Variants in GRIP1 observed in about 807,000 individuals in gnomAD.
GRIP1 encodes glutamate receptor-interacting protein 1.
In GRIP1, 45 loss-of-function variants were observed where a neutral mutation model predicts 129.9. That is an observed-to-expected ratio of 0.35 (90% CI 0.27 to 0.44). The LOEUF (loss-of-function observed/expected upper bound fraction) is 0.44. GRIP1 is among the 20% of genes least tolerant of loss of function. The pLI is 1.00. For missense variants in GRIP1, 1,196 were observed against 1,396.8 expected (o/e 0.86, Z 2.29); for synonymous variants, 530 against 520.8 (o/e 1.02, Z -0.24).
intron 1 of GRIP1, among the ~76,000 whole-genome samples, chr12:66,707,952 A>C (rs1377151357): frequency 6.6e-6 from 1 of 152,078 alleles, no homozygotes; most frequent in Admixed American, 6.6e-5. Flanking sequence ...CATAGTACTG[A>C]ATGTTAGTCA....
At chr12:66,391,149 G>A (rs2056570469) in intron 19 of GRIP1, among the ~76,000 whole-genome samples, 2 of 152,134 alleles carry the variant, frequency 1.3e-5, no homozygotes, top group South Asian at 4.1e-4. Context: ...ACTGGATACA[G>A]ACACTCCTAA....
intron 1 of GRIP1, among the ~76,000 whole-genome samples, chr12:66,827,387 T>TGTGTGTGAGAGAGAGAGAGAGAGAGA (rs755458052): frequency 7.4e-4 from 80 of 108,256 alleles, no homozygotes; most frequent in African/African-American, 2.7e-3. Flanking sequence ...TGTGTGTGTG[T>TGTGTGTGAGAGAGAGAGAGAGAGAGA]GAGAGAGAGA....
At chr12:66,390,917 C>A (rs1284962514) in intron 19 of GRIP1, among the ~76,000 whole-genome samples, 1 of 152,138 alleles carries the variant, frequency 6.6e-6, no homozygotes, top group Non-Finnish European at 1.5e-5. Context: ...AGATAAAGCC[C>A]CAATTCTACT....
chr12:66,730,647 C>T (rs1592786012), intron 1 of GRIP1, among the ~76,000 whole-genome samples: 2 of 145,358 alleles, frequency 1.4e-5, no homozygotes, highest in East Asian at 2.0e-4. Flanking sequence ...TAAGTACAAG[C>T]CCAAAGCCTA....
chr12:66,751,103 T>C (rs1217122166), intron 1 of GRIP1, among the ~76,000 whole-genome samples: 2 of 152,148 alleles, frequency 1.3e-5, no homozygotes, highest in African/African-American at 4.8e-5. Flanking sequence ...AAGTGAGAAA[T>C]TGAGAAAGAA....
chr12:66,608,095 T>C (rs977613242), intron 1 of GRIP1, among the ~76,000 whole-genome samples: 3 of 152,172 alleles, frequency 2.0e-5, no homozygotes, highest in African/African-American at 7.2e-5. Flanking sequence ...ACTTGAATTG[T>C]CACATATTTT....
upstream of GRIP1, among the ~76,000 whole-genome samples, chr12:66,681,162 C>T (rs1044977163): frequency 6.6e-6 from 1 of 152,156 alleles, no homozygotes; most frequent in African/African-American, 2.4e-5. Flanking sequence ...TCCTATTAGT[C>T]TGCCCAGGTG....
At chr12:66,619,226 G>A (rs1036075921) in intron 1 of GRIP1, among the ~76,000 whole-genome samples, 2 of 152,096 alleles carry the variant, frequency 1.3e-5, no homozygotes, top group Non-Finnish European at 2.9e-5. Flanking sequence ...GCAGCAAGCA[G>A]CACTAAAATA....
chr12:66,367,879 C>G (rs774136283), intron 23 of GRIP1, among the ~76,000 whole-genome samples: 24 of 152,182 alleles, frequency 1.6e-4, no homozygotes, highest in Non-Finnish European at 2.8e-4. Flanking sequence ...CACTCCAGCT[C>G]CACTTCCCTC....
At chr12:66,356,693 G>T (rs1411578208) in intron 23 of GRIP1, among the ~76,000 whole-genome samples, 2 of 151,356 alleles carry the variant, frequency 1.3e-5, no homozygotes, top group Admixed American at 6.6e-5. Context: ...GCAAACACCA[G>T]TCCGCATGTC....
chr12:66,517,570 C>T (rs369477974), intron 6 of GRIP1, among the ~76,000 whole-genome samples: 4 of 152,266 alleles, frequency 2.6e-5, no homozygotes, highest in African/African-American at 9.6e-5. Context: ...AGTACCTCCC[C>T]TGTGCCATGC....
chr12:66,621,064 A>G (rs1195010522), intron 1 of GRIP1, among the ~76,000 whole-genome samples: 3 of 152,188 alleles, frequency 2.0e-5, no homozygotes, highest in Admixed American at 2.0e-4. Flanking sequence ...TAAATTGCAA[A>G]GCAGAGCGAT....
intron 5 of GRIP1, among the ~76,000 whole-genome samples, chr12:66,524,645 A>T (rs1177420542): frequency 6.6e-6 from 1 of 152,126 alleles, no homozygotes; most frequent in Non-Finnish European, 1.5e-5. Flanking sequence ...AAACACATTC[A>T]AAAGCTAGCA....
upstream of GRIP1, among the ~76,000 whole-genome samples, chr12:66,683,333 A>C (rs1336022767): frequency 6.6e-6 from 1 of 151,996 alleles, no homozygotes; most frequent in Non-Finnish European, 1.5e-5. Flanking sequence ...ATGAGACCAA[A>C]CATTAGGGTC....
chr12:66,978,263 T>C (rs1235830351), intron 1 of GRIP1, among the ~76,000 whole-genome samples: 1 of 152,130 alleles, frequency 6.6e-6, no homozygotes, highest in African/African-American at 2.4e-5. Context: ...TAGTCACACA[T>C]AGAAGCAAGG....
At chr12:66,433,319 T>C (rs1230218047) in intron 13 of GRIP1, among the ~76,000 whole-genome samples, 1 of 152,118 alleles carries the variant, frequency 6.6e-6, no homozygotes, top group East Asian at 1.9e-4. Flanking sequence ...CCAATCAAAC[T>C]AGATGCTGAC....
chr12:66,813,658 A>C (rs11829714), intron 1 of GRIP1, among the ~76,000 whole-genome samples: 7,947 of 152,210 alleles, frequency 0.052, 668 homozygotes, highest in African/African-American at 0.18. Flanking sequence ...AGTACCTTTG[A>C]TACAGCATGA....
At chr12:66,754,974 C>T (rs532388373) in intron 1 of GRIP1, among the ~76,000 whole-genome samples, 13 of 152,082 alleles carry the variant, frequency 8.5e-5, no homozygotes, top group Middle Eastern at 3.4e-3. Context: ...AAGAAGCAAA[C>T]GAGTATGATT....
In GRIP1 at chr12:66,421,435, T is replaced by C. The variant is rs1364844509; in HGVS notation, c.1769-646A>G. On this transcript the variant is annotated intron_variant, in intron 14 of 24. Transcript: ENST00000359742. The stretch of plus-strand genomic sequence containing the variant: ...GGCACATGCCTGTAGTTCCAGCTAC[T>C]TGGGAGACTGAGGCAGGAGAATTGC... Among the ~76,000 whole-genome samples the C allele has an allele frequency of 2.6e-5, 4 of 152,232 alleles. No homozygotes were observed. The East Asian group carries it at 7.7e-4, about 29-fold the overall frequency.
Sources: gnomAD v4.1 joint callset for allele counts (sites outside exome capture counted in the v4.1 genomes callset) on GRCh38, gnomAD v4.1.1 for gene constraint, MANE v1.5 for transcripts, NCBI Gene and HGNC (gene_info 2026-07-23, HGNC 2026-07-21) for gene names.